The following GRID2 variants were observed in gnomAD, a reference collection of about 807,000 sequenced individuals.
GRID2 encodes the protein glutamate ionotropic receptor delta type subunit 2.
GRID2 carries 33 observed loss-of-function variants against 114.8 expected under a neutral mutation model. That is an observed-to-expected ratio of 0.29 (90% CI 0.22 to 0.38). The LOEUF (loss-of-function observed/expected upper bound fraction) is 0.38. GRID2 is among the 10% of genes least tolerant of loss of function. The pLI is 1.00. For synonymous variants in GRID2, 505 were observed against 449.9 expected (o/e 1.12, Z -1.55); for missense variants, 1,184 against 1,257.7 (o/e 0.94, Z 0.89).
At chr4:92,358,373 A>G (rs1053203664) in intron 1 of GRID2, among the ~76,000 whole-genome samples, 5 of 151,926 alleles carry the variant, frequency 3.3e-5, no homozygotes, top group African/African-American at 1.2e-4. Flanking sequence ...GAAATTTGGG[A>G]AGAGTTAATA....
rs1326585938 is a variant in GRID2 at position 93,456,126 on chromosome 4, C to T, written c.1858+152C>T. 1.1e-4 allele frequency: 65 copies of T among 602,788 alleles called. No individual in the cohort carries two copies. In the East Asian group the frequency reaches 1.7e-3, roughly 16 times the overall value. 37.3% of individuals were successfully genotyped at this position (602,788 alleles called of 1,614,324 possible). ...GCTCAGAAAAGAACATTTGCTACTT[C>T]CTCCTAGTGGATCTCAGACACACCA... On this transcript the variant is annotated intron_variant, in intron 11 of 15. Transcript: ENST00000282020.
intron 2 of GRID2, among the ~76,000 whole-genome samples, chr4:92,928,786 C>A (rs1750015815): frequency 6.6e-6 from 1 of 151,512 alleles, no homozygotes; most frequent in Non-Finnish European, 1.5e-5. Flanking sequence ...TTTCAAGTGG[C>A]AAAATTTCTA....
chr4:93,411,258 A>G (rs1579992484), intron 9 of GRID2, among the ~76,000 whole-genome samples: 1 of 152,298 alleles, frequency 6.6e-6, no homozygotes, highest in African/African-American at 2.4e-5. Context: ...TTGAGCATGA[A>G]TACACAAAAA....
At chr4:93,351,316 CAG>C (rs1760783685) in intron 8 of GRID2, among the ~76,000 whole-genome samples, 1 of 152,018 alleles carries the variant, frequency 6.6e-6, no homozygotes, top group Non-Finnish European at 1.5e-5. Flanking sequence ...CAGGGCCTCA[CAG>C]AGTGACAGCA....
chr4:92,751,127 C>T (rs755923818), intron 2 of GRID2, among the ~76,000 whole-genome samples: 7 of 151,664 alleles, frequency 4.6e-5, no homozygotes, highest in African/African-American at 1.2e-4. Context: ...AAGAAAAAAG[C>T]GTAAATAATC....
At chr4:93,005,208 A>G (rs1022156387) in intron 2 of GRID2, among the ~76,000 whole-genome samples, 1 of 152,068 alleles carries the variant, frequency 6.6e-6, no homozygotes, top group African/African-American at 2.4e-5. Context: ...TTAATTTTTT[A>G]AATTTTTTAT....
At chr4:93,784,142 G>C (rs1315910592) in intron 1 of GRID2, among the ~76,000 whole-genome samples, 1 of 148,678 alleles carries the variant, frequency 6.7e-6, no homozygotes, top group African/African-American at 2.5e-5. Flanking sequence ...TTAGTACCTG[G>C]TCCTCTTTTT....
At chr4:93,069,315 T>C (rs894721481) in intron 2 of GRID2, among the ~76,000 whole-genome samples, 2 of 151,834 alleles carry the variant, frequency 1.3e-5, no homozygotes, top group South Asian at 2.1e-4. Context: ...TGTGTGTATA[T>C]ATATACTTAG....
chr4:92,991,700 A>G (rs1461033190), intron 2 of GRID2, among the ~76,000 whole-genome samples: 2 of 152,298 alleles, frequency 1.3e-5, no homozygotes, highest in East Asian at 3.9e-4. Context: ...CGCTTGCCAA[A>G]CGTTGTAGAA....
At chr4:93,399,902 A>C (rs1765711565) in intron 9 of GRID2, among the ~76,000 whole-genome samples, 1 of 152,116 alleles carries the variant, frequency 6.6e-6, no homozygotes, top group African/African-American at 2.4e-5. Flanking sequence ...AAAAGTAGAG[A>C]AAAACCAACA....
At chr4:93,445,395 G>A (rs2870706) in intron 10 of GRID2, among the ~76,000 whole-genome samples, 101,959 of 151,902 alleles carry the variant, frequency 0.67, 34,675 homozygotes, top group African/African-American at 0.78. Flanking sequence ...CTGATTTTAT[G>A]TAATTTGACC....
intron 1 of GRID2, among the ~76,000 whole-genome samples, chr4:92,413,516 A>T (rs1441033106): frequency 6.6e-6 from 1 of 152,136 alleles, no homozygotes. Context: ...GAAAGATTAC[A>T]CATAAGGAGA....
chr4:93,804,469 G>C (rs961838266), intron 1 of GRID2, among the ~76,000 whole-genome samples: 6 of 151,578 alleles, frequency 4.0e-5, no homozygotes, highest in African/African-American at 1.5e-4. Context: ...GTAACACAAT[G>C]GTAAGTATTT....
intron 13 of GRID2, among the ~76,000 whole-genome samples, chr4:93,534,145 C>G (rs562770239): frequency 2.0e-5 from 3 of 152,116 alleles, no homozygotes; most frequent in Non-Finnish European, 4.4e-5. Context: ...TTTCCAGAAA[C>G]TTTCCCTGAC....
At chr4:93,660,935 G>A (rs1274068265) in intron 14 of GRID2, among the ~76,000 whole-genome samples, 1 of 152,028 alleles carries the variant, frequency 6.6e-6, no homozygotes, top group South Asian at 2.1e-4. Context: ...CTGCCCCAGA[G>A]GGAGATATTA....
At chr4:93,076,741 C>T (rs1017691877) in intron 2 of GRID2, among the ~76,000 whole-genome samples, 2 of 151,410 alleles carry the variant, frequency 1.3e-5, no homozygotes, top group Non-Finnish European at 2.9e-5. Flanking sequence ...CCTCAACCTC[C>T]CAAGTAGCTG....
At chr4:92,440,717 C>G (rs1289756220) in intron 1 of GRID2, among the ~76,000 whole-genome samples, 1 of 151,804 alleles carries the variant, frequency 6.6e-6, no homozygotes, top group Non-Finnish European at 1.5e-5. Flanking sequence ...GAACCGCCAT[C>G]AATAAATCAA....
At chr4:93,566,016 C>T (rs1735376287) in intron 13 of GRID2, among the ~76,000 whole-genome samples, 1 of 152,132 alleles carries the variant, frequency 6.6e-6, no homozygotes, top group Admixed American at 6.6e-5. Context: ...GGATTTGCTC[C>T]ACACAGTCAT....
chr4:92,365,632 A>G (rs1316718765), intron 1 of GRID2, among the ~76,000 whole-genome samples: 1 of 152,036 alleles, frequency 6.6e-6, no homozygotes, highest in Non-Finnish European at 1.5e-5. Context: ...CAAAGAAACT[A>G]AGAAGAAAGT....
Sources: gnomAD v4.1 joint callset for allele counts (sites outside exome capture counted in the v4.1 genomes callset) on GRCh38, gnomAD v4.1.1 for gene constraint, MANE v1.5 for transcripts, NCBI Gene and HGNC (gene_info 2026-07-23, HGNC 2026-07-21) for gene names.